The following DOK6 variants were observed in gnomAD, a reference collection of about 807,000 sequenced individuals.
The protein encoded by DOK6 is docking protein 6, also known as downstream of tyrosine kinase 6.
In DOK6, 22 loss-of-function variants were observed where a neutral mutation model predicts 44.0. The observed-to-expected ratio is 0.50, with a 90% CI of 0.36 to 0.71. DOK6 has a LOEUF of 0.71. Among genes scored for constraint, DOK6 ranks in the 30% least tolerant of loss-of-function variants. The probability of loss-of-function intolerance (pLI) is 0.00; values close to 1 mark genes in which losing one functional copy is unlikely to be tolerated. For synonymous variants in DOK6, 166 were observed against 145.5 expected, an observed-to-expected ratio of 1.14 and a Z score of -1.01; for missense variants, 340 against 416.4, an observed-to-expected ratio of 0.82 and a Z score of 1.60.
At chr18:69,571,319 A>G (rs1186282322) in intron 2 of DOK6, among the ~76,000 whole-genome samples, 1 of 152,040 alleles carries the variant, frequency 6.6e-6, no homozygotes, top group East Asian at 1.9e-4. Context: ...AGAAAGGAGA[A>G]AAGAGGTAAA....
At chr18:69,814,020 A>T (rs2145118326) in intron 7 of DOK6, among the ~76,000 whole-genome samples, 1 of 152,174 alleles carries the variant, frequency 6.6e-6, no homozygotes, top group Middle Eastern at 3.4e-3. Flanking sequence ...AAGAGGATGT[A>T]GTGCCAAAGG....
At chr18:69,645,316 A>G (rs1985043955) in intron 3 of DOK6, among the ~76,000 whole-genome samples, 1 of 152,172 alleles carries the variant, frequency 6.6e-6, no homozygotes, top group South Asian at 2.1e-4. Context: ...CCTGTTTTCC[A>G]TCTCTCTAAT....
chr18:69,811,516 C>T (rs1322010391), intron 7 of DOK6, among the ~76,000 whole-genome samples: 1 of 129,258 alleles, frequency 7.7e-6, no homozygotes, highest in African/African-American at 3.3e-5. Context: ...CTTGATTTAA[C>T]CATTCCATTA....
At chr18:69,461,763 C>T (rs1979794479) in intron 1 of DOK6, among the ~76,000 whole-genome samples, 1 of 152,124 alleles carries the variant, frequency 6.6e-6, no homozygotes, top group Non-Finnish European at 1.5e-5. Flanking sequence ...GAAGTGACTT[C>T]ATATGTCTTT....
At chr18:69,718,480 A>G (rs952100534) in intron 5 of DOK6, among the ~76,000 whole-genome samples, 1 of 152,216 alleles carries the variant, frequency 6.6e-6, no homozygotes, top group African/African-American at 2.4e-5. Context: ...AGTTGAAAAT[A>G]AAAATAGGGC....
chr18:69,795,952 G>C (rs894567933), intron 7 of DOK6, among the ~76,000 whole-genome samples: 1 of 151,454 alleles, frequency 6.6e-6, no homozygotes, highest in Non-Finnish European at 1.5e-5. Flanking sequence ...ACTGTGATCC[G>C]AGCTCATCCT....
intron 1 of DOK6, among the ~76,000 whole-genome samples, chr18:69,521,815 T>C (rs909698773): frequency 6.6e-6 from 1 of 152,010 alleles, no homozygotes; most frequent in Non-Finnish European, 1.5e-5. Flanking sequence ...AAATGATAAA[T>C]GTTTCAGTTG....
chr18:69,799,477 GA>G (rs746111090), intron 7 of DOK6, among the ~76,000 whole-genome samples: 5 of 151,730 alleles, frequency 3.3e-5, no homozygotes, highest in African/African-American at 1.2e-4. Context: ...GGAAAAAAGT[GA>G]AAAAAAGCAT....
At chr18:69,410,464 T>C (rs1390730380) in intron 1 of DOK6, among the ~76,000 whole-genome samples, 3 of 152,258 alleles carry the variant, frequency 2.0e-5, no homozygotes, top group Admixed American at 1.3e-4. Context: ...CGAATTACAC[T>C]GTTGTTAGTG....
chr18:69,669,573 G>A (rs1179416122), intron 3 of DOK6, among the ~76,000 whole-genome samples: 8 of 152,024 alleles, frequency 5.3e-5, no homozygotes, highest in South Asian at 2.1e-4. Context: ...GATGTCCTTC[G>A]AAATCTCTTC....
chr18:69,816,647 T>A (rs909261118), intron 7 of DOK6, among the ~76,000 whole-genome samples: 1 of 152,230 alleles, frequency 6.6e-6, no homozygotes, highest in African/African-American at 2.4e-5. Flanking sequence ...TCCCCTGTTT[T>A]AAAAACACAA....
rs145884227 is a variant in DOK6 at position 69,651,819 on chromosome 18, A to G, written c.290-25915A>G. Among the ~76,000 whole-genome samples the G allele has an allele frequency of 3.1e-3, 477 of 152,190 alleles. 11 individuals are homozygous for G. Among genetic ancestry groups the G allele is most frequent in the Admixed American group, 0.023 (347 of 15,282 alleles). ...CCCCCTTTAATCTCTTTTCTGCACT[A>G]TCTCCTTGCAAAGCAGGCTGTTAAA... On this transcript the variant is annotated intron_variant, in intron 3 of 7. Transcript: ENST00000382713.
intron 1 of DOK6, among the ~76,000 whole-genome samples, chr18:69,516,683 T>A (rs534236683): frequency 3.7e-5 from 2 of 53,936 alleles, no homozygotes; most frequent in Non-Finnish European, 1.2e-4. Flanking sequence ...AGTACTATAC[T>A]TTTTTTTTTC....
At chr18:69,440,691 AT>A (rs1979112099) in intron 1 of DOK6, among the ~76,000 whole-genome samples, 1 of 151,976 alleles carries the variant, frequency 6.6e-6, no homozygotes, top group South Asian at 2.1e-4. Context: ...TCTCTCCAAT[AT>A]CTCACTTTTC....
intron 1 of DOK6, among the ~76,000 whole-genome samples, chr18:69,554,500 A>G (rs1166504688): frequency 6.6e-6 from 1 of 152,214 alleles, no homozygotes; most frequent in Admixed American, 6.5e-5. Flanking sequence ...GTGAGGTTCT[A>G]TGTAACCATA....
chr18:69,838,992 CCCTAACTCCTCCCCTAGATGTTCT>C (rs1982131308), intron 7 of DOK6, among the ~76,000 whole-genome samples: 1 of 151,272 alleles, frequency 6.6e-6, no homozygotes, highest in South Asian at 2.1e-4. Context: ...CTAGATTCTC[CCCTAACTCCTCCCCTAGATGTTCT>C]CCTAACTCCT....
intron 1 of DOK6, among the ~76,000 whole-genome samples, chr18:69,542,215 A>G (rs1056445757): frequency 6.6e-6 from 1 of 151,586 alleles, no homozygotes; most frequent in South Asian, 2.1e-4. Flanking sequence ...TAGGAAACCA[A>G]CTTAGCAAAC....
intron 6 of DOK6, among the ~76,000 whole-genome samples, chr18:69,748,377 G>A (rs1315458933): frequency 1.3e-5 from 2 of 151,436 alleles, no homozygotes; most frequent in Non-Finnish European, 2.9e-5. Flanking sequence ...CTCAGCTCTG[G>A]ATCAAGTGGA....
At chr18:69,420,004 T>C (rs1978441901) in intron 1 of DOK6, among the ~76,000 whole-genome samples, 1 of 152,156 alleles carries the variant, frequency 6.6e-6, no homozygotes, top group African/African-American at 2.4e-5. Flanking sequence ...TTTTATATCT[T>C]ACCTAAGAAG....
Sources: gnomAD v4.1 joint callset for allele counts (sites outside exome capture counted in the v4.1 genomes callset) on GRCh38, gnomAD v4.1.1 for gene constraint, MANE v1.5 for transcripts, NCBI Gene and HGNC (gene_info 2026-07-23, HGNC 2026-07-21) for gene names.